The following TRAK1 variants were observed in gnomAD, a reference collection of about 807,000 sequenced individuals.
The protein encoded by TRAK1 is trafficking kinesin protein 1, also known as trafficking kinesin-binding protein 1.
TRAK1 carries 33 observed loss-of-function variants against 92.1 expected under a neutral mutation model. The observed-to-expected ratio is 0.36, with a 90% CI of 0.27 to 0.48. The LOEUF is 0.48. TRAK1 is among the 20% of genes least tolerant of loss of function. TRAK1 has a pLI of 0.99. For missense variants in TRAK1, 1,123 were observed against 1,257.9 expected, an observed-to-expected ratio of 0.89 and a Z score of 1.62; for synonymous variants, 521 against 517.3, an observed-to-expected ratio of 1.01 and a Z score of -0.10.
At chr3:42,037,361 C>G (rs1702363809) in intron 1 of TRAK1, among the ~76,000 whole-genome samples, 1 of 152,198 alleles carries the variant, frequency 6.6e-6, no homozygotes, top group Middle Eastern at 3.2e-3. Flanking sequence ...TCGGCCTTCC[C>G]TCTAAGTAGA....
intron 1 of TRAK1, among the ~76,000 whole-genome samples, chr3:42,080,105 G>C (rs1273314949): frequency 6.6e-6 from 1 of 152,182 alleles, no homozygotes; most frequent in Non-Finnish European, 1.5e-5. Flanking sequence ...GTGTCACACA[G>C]CTTTGAGTTT....
intron 3 of TRAK1, among the ~76,000 whole-genome samples, chr3:42,177,194 G>A (rs1703339791): frequency 6.6e-6 from 1 of 152,182 alleles, no homozygotes; most frequent in Non-Finnish European, 1.5e-5. Context: ...TATATTTTAA[G>A]TGCATCCAAA....
chr3:42,069,257 G>T (rs2148935276), intron 1 of TRAK1, among the ~76,000 whole-genome samples: 1 of 151,722 alleles, frequency 6.6e-6, no homozygotes, highest in East Asian at 1.9e-4. Context: ...GGAGGTCAAG[G>T]CTGCAGTGAG....
chr3:42,041,834 G>A (rs1006027621), intron 1 of TRAK1, among the ~76,000 whole-genome samples: 4 of 147,258 alleles, frequency 2.7e-5, no homozygotes, highest in African/African-American at 7.6e-5. Context: ...TCGCTCTGCC[G>A]CCCAGGCTGG....
intron 2 of TRAK1, among the ~76,000 whole-genome samples, chr3:42,157,304 A>C (rs747911127): frequency 2.0e-4 from 31 of 151,288 alleles, no homozygotes; most frequent in Admixed American, 5.3e-4. Flanking sequence ...ACAAAAAATA[A>C]AAAAATTAGC....
At chr3:42,196,894 G>A (rs148097959) in intron 10 of TRAK1, among the ~76,000 whole-genome samples, 1 of 151,448 alleles carries the variant, frequency 6.6e-6, no homozygotes, top group Non-Finnish European at 1.5e-5. Flanking sequence ...CACCACAGAT[G>A]CTGATCTCCA....
chr3:42,173,791 G>C (rs1473294793), intron 2 of TRAK1, among the ~76,000 whole-genome samples: 1 of 152,080 alleles, frequency 6.6e-6, no homozygotes, highest in African/African-American at 2.4e-5. Flanking sequence ...TAGTCATCGC[G>C]ACTACCCTGC....
chr3:42,212,153 A>G (rs1577040779), intron 14 of TRAK1: 1 of 985,470 alleles, frequency 1.0e-6, no homozygotes, highest in Non-Finnish European at 1.2e-6. Context: ...AAGTAGCTCT[A>G]TGCCTGCAAT....
At chr3:42,221,425 C>T (rs71315530) in intron 15 of TRAK1, among the ~76,000 whole-genome samples, 1,651 of 152,234 alleles carry the variant, frequency 0.011, 13 homozygotes, top group Non-Finnish European at 0.017. Flanking sequence ...GCTGAGGTCA[C>T]CTGAATGTGG....
chr3:42,127,345 C>T (rs1256177303), intron 2 of TRAK1, among the ~76,000 whole-genome samples: 1 of 143,160 alleles, frequency 7.0e-6, no homozygotes, highest in East Asian at 2.0e-4. Context: ...CCCATTCATA[C>T]ACTTTTTTTT....
intron 2 of TRAK1, among the ~76,000 whole-genome samples, chr3:42,152,761 A>G (rs1326015451): frequency 6.6e-6 from 1 of 152,174 alleles, no homozygotes; most frequent in Non-Finnish European, 1.5e-5. Flanking sequence ...TTAATTTTCA[A>G]AAGGACTTGG....
At chr3:42,068,470 C>T (rs1703774088) in intron 1 of TRAK1, among the ~76,000 whole-genome samples, 1 of 152,186 alleles carries the variant, frequency 6.6e-6, no homozygotes. Flanking sequence ...GGTCCATTAG[C>T]TGTAGTTAAG....
intron 1 of TRAK1, among the ~76,000 whole-genome samples, chr3:42,107,694 C>T (rs1707779333): frequency 6.6e-6 from 1 of 151,896 alleles, no homozygotes; most frequent in Non-Finnish European, 1.5e-5. Flanking sequence ...AGCCTGTAAC[C>T]TCTTGGTCTG....
At chr3:42,142,681 T>G (rs9872588) in intron 2 of TRAK1, among the ~76,000 whole-genome samples, 11,293 of 152,314 alleles carry the variant, frequency 0.074, 516 homozygotes, top group Non-Finnish European at 0.1. Flanking sequence ...CCTCTGCTGC[T>G]TCCTAAAATG....
intron 3 of TRAK1, among the ~76,000 whole-genome samples, 185 bp downstream of exon 3, chr3:42,177,075 G>A (rs531711664): frequency 1.3e-5 from 2 of 152,260 alleles, no homozygotes; most frequent in African/African-American, 4.8e-5. Flanking sequence ...CTGTAATTGT[G>A]TGCAGATATT....
At chr3:42,132,415 A>C (rs1233184105) in intron 2 of TRAK1, among the ~76,000 whole-genome samples, 4 of 151,270 alleles carry the variant, frequency 2.6e-5, no homozygotes, top group African/African-American at 9.7e-5. Context: ...GGCACATGCC[A>C]CCATGCCTCG....
chr3:42,075,599 C>G (rs933637389), intron 1 of TRAK1, among the ~76,000 whole-genome samples: 3 of 152,180 alleles, frequency 2.0e-5, no homozygotes, highest in Non-Finnish European at 2.9e-5. Flanking sequence ...ATTTATAATA[C>G]ATTTCTACCA....
At chr3:42,098,156 C>T (rs568592906) in intron 1 of TRAK1, among the ~76,000 whole-genome samples, 2 of 152,142 alleles carry the variant, frequency 1.3e-5, no homozygotes, top group Non-Finnish European at 2.9e-5. Context: ...TTCCTCCATC[C>T]CCACTCCCCT....
At chr3:42,102,847 C>A (rs1372409862) in intron 1 of TRAK1, among the ~76,000 whole-genome samples, 1 of 120,250 alleles carries the variant, frequency 8.3e-6, no homozygotes, top group African/African-American at 2.9e-5. Context: ...TCTCCAGGGA[C>A]CCTCCCCTGT....
Sources: gnomAD v4.1 joint callset for allele counts (sites outside exome capture counted in the v4.1 genomes callset) on GRCh38, gnomAD v4.1.1 for gene constraint, MANE v1.5 for transcripts, NCBI Gene and HGNC (gene_info 2026-07-23, HGNC 2026-07-21) for gene names.